Variants in MEIKIN observed in about 807,000 individuals in gnomAD.
MEIKIN encodes meiotic kinetochore factor.
chr5:131,817,297 A>C (rs1172606687), intron 12 of MEIKIN, among the ~76,000 whole-genome samples: 1 of 152,070 alleles, frequency 6.6e-6, no homozygotes, highest in African/African-American at 2.4e-5. Flanking sequence ...CCATAACCAC[A>C]TTAGCCAATT....
chr5:131,881,343 T>C (rs1266845528), intron 8 of MEIKIN, among the ~76,000 whole-genome samples: 1 of 152,166 alleles, frequency 6.6e-6, no homozygotes, highest in Non-Finnish European at 1.5e-5. Context: ...CTCTCCTGGC[T>C]TCATCATTCT....
intron 7 of MEIKIN, among the ~76,000 whole-genome samples, chr5:131,915,030 C>T (rs948636949): frequency 1.3e-5 from 2 of 152,150 alleles, no homozygotes; most frequent in Middle Eastern, 3.2e-3. Context: ...CATCAGTTAG[C>T]TCTCCTGAGA....
chr5:131,927,544 T>C (rs1338386531), intron 5 of MEIKIN, among the ~76,000 whole-genome samples: 1 of 152,214 alleles, frequency 6.6e-6, no homozygotes, highest in Non-Finnish European at 1.5e-5. Flanking sequence ...GTTCTATCCA[T>C]TGTTAAAAGT....
At chr5:131,920,884 A>G (rs551648047) in intron 6 of MEIKIN, among the ~76,000 whole-genome samples, 2 of 151,936 alleles carry the variant, frequency 1.3e-5, no homozygotes, top group South Asian at 4.2e-4. Context: ...TATTTTTTGT[A>G]GAGATAGAGG....
At chr5:131,944,932 A>G (rs1751936303) in intron 2 of MEIKIN, 180 bp from the exon 3 acceptor site, 1 of 397,814 alleles carries the variant, frequency 2.5e-6, no homozygotes, top group African/African-American at 2.1e-5. Flanking sequence ...TCACCGACCA[A>G]TTTATCTCAC....
intron 12 of MEIKIN, among the ~76,000 whole-genome samples, chr5:131,812,800 T>A (rs551527217): frequency 5.3e-5 from 8 of 152,348 alleles, no homozygotes; most frequent in Non-Finnish European, 7.4e-5. Context: ...GCTTGGAGCC[T>A]TTGGCAGGTC....
At chr5:131,911,716 G>A in intron 8 of MEIKIN, 99 bp downstream of exon 8, 1 of 387,722 alleles carries the variant, frequency 2.6e-6, no homozygotes, top group Non-Finnish European at 4.6e-6. Flanking sequence ...TACTAACTTT[G>A]TTAATGCATG....
intron 3 of MEIKIN, 101 bp from the exon 4 acceptor site, chr5:131,942,796 CT>C (rs1344195470): frequency 2.6e-6 from 1 of 387,320 alleles, no homozygotes; most frequent in Non-Finnish European, 4.6e-6. Flanking sequence ...AAAACATCAA[CT>C]TTTTATATGT....
chr5:131,887,979 G>A (rs1486028269), intron 8 of MEIKIN, among the ~76,000 whole-genome samples: 1 of 136,246 alleles, frequency 7.3e-6, no homozygotes, highest in South Asian at 2.4e-4. Context: ...TTGTCCTTGT[G>A]ATAGTTTGCT....
intron 4 of MEIKIN, among the ~76,000 whole-genome samples, chr5:131,938,522 T>C (rs1297782066): frequency 1.3e-5 from 2 of 152,242 alleles, no homozygotes; most frequent in Admixed American, 6.5e-5. Flanking sequence ...ACTTATGGAG[T>C]TGTGTCACCA....
chr5:131,897,745 T>C (rs904067361), intron 8 of MEIKIN, among the ~76,000 whole-genome samples: 1 of 152,308 alleles, frequency 6.6e-6, no homozygotes. Flanking sequence ...CATCAGGTCA[T>C]TTTAGGTCCT....
intron 11 of MEIKIN, among the ~76,000 whole-genome samples, chr5:131,824,478 C>G (rs2149604369): frequency 6.6e-6 from 1 of 152,236 alleles, no homozygotes; most frequent in South Asian, 2.1e-4. Flanking sequence ...TATAATCCCA[C>G]TGCTACACTC....
At chr5:131,881,686 A>G (rs1392171220) in intron 8 of MEIKIN, among the ~76,000 whole-genome samples, 3 of 152,130 alleles carry the variant, frequency 2.0e-5, no homozygotes, top group African/African-American at 7.2e-5. Context: ...CATATATATA[A>G]TAACAGTCAC....
intron 8 of MEIKIN, among the ~76,000 whole-genome samples, chr5:131,892,320 T>C (rs1750938001): frequency 6.6e-6 from 1 of 152,238 alleles, no homozygotes; most frequent in Non-Finnish European, 1.5e-5. Context: ...TTTTCCAGCT[T>C]GGTTCCATTC....
intron 9 of MEIKIN, among the ~76,000 whole-genome samples, chr5:131,873,326 A>C (rs1046632994): frequency 2.6e-5 from 4 of 152,292 alleles, no homozygotes; most frequent in African/African-American, 9.6e-5. Flanking sequence ...AATGGAAAAC[A>C]AAAAAAGGCA....
At chr5:131,860,280 G>GTTTTTTTTTTT (rs79369868) in intron 9 of MEIKIN, among the ~76,000 whole-genome samples, 2 of 100,662 alleles carry the variant, frequency 2.0e-5, no homozygotes, top group African/African-American at 7.2e-5. Context: ...TTTATGCCTA[G>GTTTTTTTTTTT]TTTTTTTTTT....
intron 8 of MEIKIN, among the ~76,000 whole-genome samples, chr5:131,905,104 A>G (rs950985080): frequency 1.3e-5 from 2 of 152,192 alleles, no homozygotes; most frequent in Non-Finnish European, 2.9e-5. Flanking sequence ...CGTTCTGCAC[A>G]TGTATCCCAG....
At chr5:131,881,029 C>T (rs1416764171) in intron 8 of MEIKIN, among the ~76,000 whole-genome samples, 2 of 152,164 alleles carry the variant, frequency 1.3e-5, no homozygotes, top group Non-Finnish European at 2.9e-5. Context: ...TCACTCCTGC[C>T]ATATGGGTCT....
chr5:131,860,362 T>C (rs935545847), intron 9 of MEIKIN, among the ~76,000 whole-genome samples: 4 of 149,046 alleles, frequency 2.7e-5, no homozygotes, highest in Non-Finnish European at 5.9e-5. Context: ...TTTTCAGATA[T>C]TATTGGTGTA....
Sources: allele counts gnomAD v4.1 joint callset (sites outside exome capture counted in the v4.1 genomes callset), GRCh38; gene constraint gnomAD v4.1.1; transcripts MANE v1.5; gene names NCBI Gene and HGNC (gene_info 2026-07-23, HGNC 2026-07-21).